Variants in SUMF1 observed in about 807,000 individuals in gnomAD.
The protein encoded by SUMF1 is sulfatase modifying factor 1, also known as formylglycine-generating enzyme.
SUMF1 carries 48 observed loss-of-function variants against 47.6 expected under a neutral mutation model. The ratio of observed to expected loss-of-function variants is 1.01; its 90% CI spans 0.80 to 1.28. SUMF1 has a LOEUF of 1.28. Ranked by LOEUF, SUMF1 falls within the 50% of genes most tolerant of loss-of-function variation. The pLI is 0.00. For missense variants in SUMF1, 571 were observed against 485.4 expected, an observed-to-expected ratio of 1.18 and a Z score of -1.66; for synonymous variants, 230 against 192.1, an observed-to-expected ratio of 1.20 and a Z score of -1.63.
intron 8 of SUMF1, among the ~76,000 whole-genome samples, chr3:4,310,229 G>A (rs1698352456): frequency 6.6e-6 from 1 of 152,104 alleles, no homozygotes; most frequent in East Asian, 1.9e-4. Context: ...GTAAATATTT[G>A]AATAGAATGT....
At chr3:4,460,599 AGTGTGTGTGT>A in intron 1 of SUMF1, among the ~76,000 whole-genome samples, 1 of 143,604 alleles carries the variant, frequency 7.0e-6, no homozygotes, top group East Asian at 2.0e-4. Context: ...TCACACACAC[AGTGTGTGTGT>A]GTGTGTGTGT....
At chr3:4,278,637 C>T (rs1008413750) in intron 8 of SUMF1, among the ~76,000 whole-genome samples, 1 of 152,064 alleles carries the variant, frequency 6.6e-6, no homozygotes, top group Non-Finnish European at 1.5e-5. Context: ...TTTAGACATA[C>T]GTTATCTCCC....
At chr3:4,421,324 A>T (rs711662) in intron 3 of SUMF1, among the ~76,000 whole-genome samples, 1 of 152,040 alleles carries the variant, frequency 6.6e-6, no homozygotes. Context: ...TATAATACGC[A>T]TACAGGACTT....
At chr3:4,166,270 C>G (rs964949165) in intron 8 of SUMF1, among the ~76,000 whole-genome samples, 5 of 152,034 alleles carry the variant, frequency 3.3e-5, no homozygotes, top group Non-Finnish European at 5.9e-5. Context: ...CAAAATGGAG[C>G]AGAGGACCAT....
At chr3:4,367,467 C>T (rs1700015254) in intron 8 of SUMF1, among the ~76,000 whole-genome samples, 1 of 151,926 alleles carries the variant, frequency 6.6e-6, no homozygotes, top group Non-Finnish European at 1.5e-5. Flanking sequence ...ACTTTCTTCA[C>T]AGAATTGGAA....
chr3:4,169,981 A>T (rs1198806328), intron 8 of SUMF1, among the ~76,000 whole-genome samples: 1 of 152,168 alleles, frequency 6.6e-6, no homozygotes, highest in East Asian at 1.9e-4. Context: ...TTTCAATAAG[A>T]ATGAGACAAA....
intron 8 of SUMF1, among the ~76,000 whole-genome samples, chr3:4,117,537 G>A (rs971300709): frequency 1.4e-4 from 22 of 152,036 alleles, no homozygotes; most frequent in African/African-American, 3.4e-4. Flanking sequence ...AGGTGGCTTC[G>A]TAAGACAGAG....
chr3:4,342,131 T>C (rs188789368), intron 8 of SUMF1, among the ~76,000 whole-genome samples: 8 of 152,306 alleles, frequency 5.3e-5, no homozygotes, highest in African/African-American at 1.7e-4. Flanking sequence ...TTCCAACAAA[T>C]GTCAAAACTC....
intron 8 of SUMF1, among the ~76,000 whole-genome samples, chr3:4,292,385 G>A (rs1484248544): frequency 6.6e-6 from 1 of 152,136 alleles, no homozygotes; most frequent in Non-Finnish European, 1.5e-5. Flanking sequence ...AAGAACATAT[G>A]GCTGATGCAG....
chr3:4,341,502 G>C (rs1033763396), intron 8 of SUMF1, among the ~76,000 whole-genome samples: 4 of 151,718 alleles, frequency 2.6e-5, no homozygotes, highest in Admixed American at 1.3e-4. Flanking sequence ...ATGGACAAAG[G>C]GTTTTTTGTT....
At chr3:4,458,762 A>G (rs2079732637) in intron 1 of SUMF1, among the ~76,000 whole-genome samples, 1 of 152,130 alleles carries the variant, frequency 6.6e-6, no homozygotes, top group Non-Finnish European at 1.5e-5. Flanking sequence ...AGGCTGAGGC[A>G]GGAGAATGGC....
At chr3:4,382,558 T>C (rs962341796) in intron 7 of SUMF1, among the ~76,000 whole-genome samples, 1 of 152,084 alleles carries the variant, frequency 6.6e-6, no homozygotes, top group Non-Finnish European at 1.5e-5. Context: ...GACCCAGCAA[T>C]CCCATTATTG....
chr3:4,095,659 T>C (rs554288460), intron 8 of SUMF1, among the ~76,000 whole-genome samples: 5 of 151,982 alleles, frequency 3.3e-5, no homozygotes, highest in Admixed American at 1.3e-4. Context: ...CAGAACAATA[T>C]AAAACAAATT....
chr3:4,065,763 A>G (rs765671200), intron 9 of SUMF1, among the ~76,000 whole-genome samples: 2 of 152,142 alleles, frequency 1.3e-5, no homozygotes, highest in African/African-American at 2.4e-5. Context: ...CAGGAACATC[A>G]GCCCTGGTCC....
At chr3:4,194,097 T>C (rs1695379271) in intron 8 of SUMF1, among the ~76,000 whole-genome samples, 1 of 152,144 alleles carries the variant, frequency 6.6e-6, no homozygotes, top group South Asian at 2.1e-4. Flanking sequence ...AAATATTCTA[T>C]ACCTGTGATG....
intron 8 of SUMF1, among the ~76,000 whole-genome samples, chr3:4,124,420 T>C (rs1262174435): frequency 6.6e-6 from 1 of 152,170 alleles, no homozygotes; most frequent in African/African-American, 2.4e-5. Context: ...GCAGATCTTA[T>C]TAGTCAGACT....
intron 3 of SUMF1, among the ~76,000 whole-genome samples, chr3:4,442,062 A>T: frequency 6.6e-6 from 1 of 152,180 alleles, no homozygotes; most frequent in Non-Finnish European, 1.5e-5. Flanking sequence ...GAAAGAAAAG[A>T]AAGCAACAGG....
intron 8 of SUMF1, among the ~76,000 whole-genome samples, chr3:4,270,593 G>A (rs977015869): frequency 6.6e-6 from 1 of 152,166 alleles, no homozygotes; most frequent in African/African-American, 2.4e-5. Flanking sequence ...GGAATTGAGT[G>A]TAAGGGGAAC....
chr3:4,308,736 G>GTGC (rs564401169), intron 8 of SUMF1, among the ~76,000 whole-genome samples: 161 of 152,348 alleles, frequency 1.1e-3, no homozygotes, highest in South Asian at 2.3e-3. Context: ...CATAGTCACA[G>GTGC]AGTTTTCCTG....
Sources: gnomAD v4.1 joint callset for allele counts (sites outside exome capture counted in the v4.1 genomes callset) on GRCh38, gnomAD v4.1.1 for gene constraint, MANE v1.5 for transcripts, NCBI Gene and HGNC (gene_info 2026-07-23, HGNC 2026-07-21) for gene names.